The following RYR2 variants were observed in gnomAD, a reference collection of about 807,000 sequenced individuals.
The protein encoded by RYR2 is cardiac muscle ryanodine receptor-calcium release channel.
In RYR2, 227 loss-of-function variants were observed where a neutral mutation model predicts 601.1. The observed-to-expected ratio is 0.38, with a 90% CI of 0.34 to 0.42. The LOEUF (loss-of-function observed/expected upper bound fraction) is 0.42, where lower values mean the gene tolerates loss of function less well. Among genes scored for constraint, RYR2 ranks in the 10% least tolerant of loss-of-function variants. RYR2 has a pLI of 1.00. For synonymous variants in RYR2, 2,223 were observed against 2,175.1 expected (o/e 1.02, Z -0.61); for missense variants, 4,646 against 6,156.5 (o/e 0.75, Z 8.21).
intron 1 of RYR2, among the ~76,000 whole-genome samples, chr1:237,084,437 G>A (rs1221348252): frequency 2.6e-5 from 4 of 152,180 alleles, no homozygotes; most frequent in Admixed American, 6.5e-5. Flanking sequence ...TAAGAAAGCC[G>A]AACATGTATA....
At chr1:237,653,015 A>G (rs544643078) in intron 51 of RYR2, among the ~76,000 whole-genome samples, 11 of 152,236 alleles carry the variant, frequency 7.2e-5, no homozygotes, top group Admixed American at 2.6e-4. Context: ...CAAAATATGT[A>G]TAGTCATAAG....
Position 237,503,455 on chromosome 1 carries a change from G to C in RYR2, c.2563G>C (p.Val855Leu). 6.2e-7 allele frequency: 1 copy of C among 1,613,906 alleles called. No homozygotes were observed. Among genetic ancestry groups the C allele is most frequent in the Non-Finnish European group, 8.5e-7 (1 of 1,179,874 alleles). The change falls in exon 22 of 105, where the codon GTT becomes CTT. Residue 855 changes from valine to leucine, a missense_variant. Transcript: ENST00000366574. ...CACACGCGACCTGCTGGGCCCCACAGTTTCCCTGACGCAAGCTGCCTTCAC... is the reference window on the plus strand; with the variant it reads ...CACACGCGACCTGCTGGGCCCCACACTTTCCCTGACGCAAGCTGCCTTCAC... ...TYTRDLLGPT[V>L]SLTQAAFTPI...
At chr1:237,305,701 G>C (rs1693801776) in intron 2 of RYR2, among the ~76,000 whole-genome samples, 1 of 152,146 alleles carries the variant, frequency 6.6e-6, no homozygotes, top group Admixed American at 6.5e-5. Context: ...CAGAATGCTG[G>C]CATTACAGGC....
chr1:237,461,826 G>T (rs1659514655), intron 16 of RYR2, among the ~76,000 whole-genome samples: 1 of 136,088 alleles, frequency 7.3e-6, no homozygotes, highest in Admixed American at 7.8e-5. Context: ...GTTTCCACTG[G>T]ATAGAATTAT....
At chr1:237,285,919 T>C (rs1691510954) in intron 2 of RYR2, among the ~76,000 whole-genome samples, 1 of 152,194 alleles carries the variant, frequency 6.6e-6, no homozygotes, top group African/African-American at 2.4e-5. Context: ...TCTCTCTTCT[T>C]TTCTTCATTG....
intron 27 of RYR2, among the ~76,000 whole-genome samples, chr1:237,565,745 A>G (rs988715352): frequency 4.6e-5 from 7 of 152,124 alleles, no homozygotes; most frequent in Non-Finnish European, 7.3e-5. Context: ...TATCAATTCA[A>G]TGAACACTCA....
chr1:237,532,333 A>G (rs547323439), intron 25 of RYR2, among the ~76,000 whole-genome samples: 350 of 152,270 alleles, frequency 2.3e-3, no homozygotes, highest in African/African-American at 8.2e-3. Flanking sequence ...CACATAAATA[A>G]TTTTTGTTAT....
intron 1 of RYR2, among the ~76,000 whole-genome samples, chr1:237,157,316 A>G (rs1675493375): frequency 6.8e-6 from 1 of 148,138 alleles, no homozygotes; most frequent in African/African-American, 2.5e-5. Flanking sequence ...AAAAAAAAAA[A>G]AAAAAGAAAG....
intron 4 of RYR2, 104 bp downstream of exon 4, chr1:237,356,089 G>C (rs149837870): frequency 4.2e-6 from 4 of 961,260 alleles, no homozygotes; most frequent in Non-Finnish European, 6.5e-6. Context: ...TGTACTATTA[G>C]TGTTCAAACT....
intron 56 of RYR2, among the ~76,000 whole-genome samples, chr1:237,665,713 C>T (rs372745532): frequency 2.0e-5 from 3 of 152,180 alleles, no homozygotes; most frequent in African/African-American, 7.2e-5. Context: ...GCTCATGAGC[C>T]TGTTATTAGT....
chr1:237,559,616 A>G (rs1671256100), intron 27 of RYR2, among the ~76,000 whole-genome samples: 1 of 152,164 alleles, frequency 6.6e-6, no homozygotes, highest in Non-Finnish European at 1.5e-5. Flanking sequence ...TACCTAACTT[A>G]AAGTCTTTGT....
chr1:237,529,215 T>G (rs1210138298), intron 24 of RYR2, among the ~76,000 whole-genome samples: 2 of 152,172 alleles, frequency 1.3e-5, no homozygotes, highest in Non-Finnish European at 2.9e-5. Flanking sequence ...CGTTTTTTAT[T>G]TTATTGCTGA....
chr1:237,242,816 T>C (rs867518515), intron 1 of RYR2, among the ~76,000 whole-genome samples: 1 of 152,180 alleles, frequency 6.6e-6, no homozygotes, highest in South Asian at 2.1e-4. Context: ...GAGTTACTGA[T>C]GATAGGAGCC....
intron 12 of RYR2, among the ~76,000 whole-genome samples, chr1:237,434,392 T>C (rs1707140080): frequency 6.6e-6 from 1 of 152,198 alleles, no homozygotes; most frequent in African/African-American, 2.4e-5. Flanking sequence ...TAGGAAATCA[T>C]TTATAATGTA....
In RYR2 at chr1:237,402,999, G is replaced by T. The variant is rs917942714; in HGVS notation, c.774-14050G>T. On this transcript the variant is annotated intron_variant, in intron 10 of 104. Coordinates refer to ENST00000366574, the MANE Select transcript of RYR2 (RefSeq NM_001035.3). Reference sequence around the variant, plus strand: ...ATATTATAGATGGTCTATCCTACATGCATGTAATTGGAGTCCCAAAATGAA... The same window carrying T: ...ATATTATAGATGGTCTATCCTACATTCATGTAATTGGAGTCCCAAAATGAA... Among the ~76,000 whole-genome samples, 8 of 148,544 alleles carry T rather than the reference G, an allele frequency of 5.4e-5. No individual in the cohort carries two copies. The South Asian group carries it at 1.5e-3, about 28-fold the overall frequency.
chr1:237,377,675 T>C (rs1299319587), intron 8 of RYR2, among the ~76,000 whole-genome samples: 1 of 152,206 alleles, frequency 6.6e-6, no homozygotes, highest in Non-Finnish European at 1.5e-5. Context: ...TGCATGTTCA[T>C]GATATTGATA....
chr1:237,262,926 T>C (rs1215757609), intron 1 of RYR2, among the ~76,000 whole-genome samples: 3 of 152,128 alleles, frequency 2.0e-5, no homozygotes, highest in Non-Finnish European at 1.5e-5. Flanking sequence ...TGACTAGAGT[T>C]ATTAAGACTA....
intron 1 of RYR2, among the ~76,000 whole-genome samples, chr1:237,098,919 C>T (rs1045788381): frequency 2.0e-5 from 3 of 152,176 alleles, no homozygotes; most frequent in South Asian, 2.1e-4. Flanking sequence ...GGAGCTGAGA[C>T]GGTCTCTTCC....
intron 1 of RYR2, among the ~76,000 whole-genome samples, chr1:237,053,234 C>A (rs955055497): frequency 1.8e-4 from 27 of 152,228 alleles, no homozygotes; most frequent in African/African-American, 6.3e-4. Flanking sequence ...CCAATGCCCA[C>A]AGCTGGGAGT....
Sources: gnomAD v4.1 joint callset for allele counts (sites outside exome capture counted in the v4.1 genomes callset) on GRCh38, gnomAD v4.1.1 for gene constraint, MANE v1.5 for transcripts, NCBI Gene and HGNC (gene_info 2026-07-23, HGNC 2026-07-21) for gene names.